The following GAB1 variants were observed in gnomAD, a reference collection of about 807,000 sequenced individuals.
GAB1 encodes the protein GRB2-associated-binding protein 1.
In GAB1, 19 loss-of-function variants were observed where a neutral mutation model predicts 66.5. The observed-to-expected ratio is 0.29, with a 90% CI of 0.20 to 0.42. The LOEUF is 0.42. Among genes scored for constraint, GAB1 ranks in the 10% least tolerant of loss-of-function variants. The pLI, the probability that GAB1 is intolerant of heterozygous loss-of-function variation, is 1.00. For synonymous variants in GAB1, 294 were observed against 301.4 expected, an observed-to-expected ratio of 0.98 and a Z score of 0.25; for missense variants, 732 against 858.5, an observed-to-expected ratio of 0.85 and a Z score of 1.84.
chr4:143,423,709 G>A (rs1303404206), intron 2 of GAB1, among the ~76,000 whole-genome samples: 5 of 146,988 alleles, frequency 3.4e-5, no homozygotes, highest in Non-Finnish European at 6.0e-5. Flanking sequence ...CCCGGGAGGC[G>A]GAGCTTGCAA....
At chr4:143,456,776 T>C (rs1188989761) in intron 6 of GAB1, among the ~76,000 whole-genome samples, 3 of 152,172 alleles carry the variant, frequency 2.0e-5, no homozygotes, top group African/African-American at 7.2e-5. Flanking sequence ...AACTCAACTT[T>C]GTAAATTCCA....
intron 1 of GAB1, among the ~76,000 whole-genome samples, chr4:143,403,095 A>G (rs1162014251): frequency 1.3e-5 from 2 of 152,004 alleles, no homozygotes; most frequent in Admixed American, 1.3e-4. Flanking sequence ...TAATCTATCT[A>G]TATGGGTGAT....
chr4:143,341,640 G>C (rs192487039), intron 1 of GAB1, among the ~76,000 whole-genome samples: 1 of 152,358 alleles, frequency 6.6e-6, no homozygotes, highest in East Asian at 1.9e-4. Context: ...TGGGCTCTCT[G>C]TCTGCTCTGC....
At chr4:143,451,831 C>A in intron 6 of GAB1, among the ~76,000 whole-genome samples, 1 of 151,820 alleles carries the variant, frequency 6.6e-6, no homozygotes, top group East Asian at 1.9e-4. Context: ...ATAAGCGGAA[C>A]TCATACAGCC....
intron 9 of GAB1, among the ~76,000 whole-genome samples, chr4:143,467,376 C>A (rs1735848534): frequency 6.6e-6 from 1 of 152,150 alleles, no homozygotes; most frequent in Non-Finnish European, 1.5e-5. Context: ...TTTTATTTAT[C>A]TTGCTTAGAA....
intron 2 of GAB1, among the ~76,000 whole-genome samples, chr4:143,427,196 A>G (rs1192823433): frequency 6.6e-6 from 1 of 151,940 alleles, no homozygotes; most frequent in Non-Finnish European, 1.5e-5. Flanking sequence ...TATATCTATC[A>G]CTCCCCACTC....
At chr4:143,351,868 T>C (rs1202027851) in intron 1 of GAB1, among the ~76,000 whole-genome samples, 1 of 152,232 alleles carries the variant, frequency 6.6e-6, no homozygotes, top group African/African-American at 2.4e-5. Context: ...GAAATCCTCA[T>C]ATAGAGGGGT....
intron 2 of GAB1, among the ~76,000 whole-genome samples, chr4:143,428,267 A>G (rs1171322944): frequency 3.3e-5 from 5 of 152,084 alleles, no homozygotes; most frequent in Admixed American, 2.6e-4. Context: ...CAAAGCTTAG[A>G]ATTGAGTTTG....
intron 1 of GAB1, among the ~76,000 whole-genome samples, chr4:143,357,053 T>G (rs750148687): frequency 2.6e-5 from 4 of 152,210 alleles, no homozygotes; most frequent in Non-Finnish European, 4.4e-5. Flanking sequence ...CTGGGTGGGT[T>G]TGAGTTTCTA....
chr4:143,429,617 A>G (rs976124871), intron 2 of GAB1, among the ~76,000 whole-genome samples: 2 of 152,040 alleles, frequency 1.3e-5, no homozygotes, highest in Non-Finnish European at 2.9e-5. Flanking sequence ...GGAACCCTGT[A>G]CGGGGACTGT....
intron 3 of GAB1, chr4:143,434,189 T>TGCCTGGG: frequency 8.2e-7 from 1 of 1,220,924 alleles, no homozygotes. Context: ...TGTGGTGGTT[T>TGCCTGGG]TGGATCTGTG....
At chr4:143,382,902 G>A (rs926463826) in intron 1 of GAB1, among the ~76,000 whole-genome samples, 3 of 152,164 alleles carry the variant, frequency 2.0e-5, no homozygotes, top group Non-Finnish European at 2.9e-5. Flanking sequence ...CCCTAATCGT[G>A]AGGATTTTTA....
chr4:143,337,046 G>A lies in GAB1; in HGVS notation c.-143G>A. On this transcript the variant is annotated 5_prime_UTR_variant, in exon 1 of 10. Coordinates refer to ENST00000262994, the MANE Select transcript of GAB1 (RefSeq NM_002039.4). ...CGAACTCGTGGAACCCGCGCACCGT[G>A]GAGTCTGTCCGCCCAGTCCGTCCGG... 1.5e-6 allele frequency: 1 copy of A among 667,852 alleles called. No individual in the cohort carries two copies. Among genetic ancestry groups the A allele is most frequent in the South Asian group, 1.9e-5 (1 of 51,800 alleles). 41.4% of individuals were successfully genotyped at this position (667,852 alleles called of 1,614,324 possible). A position where few individuals can be genotyped will look rare whatever the true frequency, so the allele number is the denominator to read the frequency against.
intron 2 of GAB1, chr4:143,417,303 T>C (rs1418384248): frequency 3.9e-6 from 1 of 259,298 alleles, no homozygotes; most frequent in African/African-American, 2.3e-5. Flanking sequence ...AAATCTTGAA[T>C]GAGGGACTGA....
In GAB1 at chr4:143,440,327, T is replaced by A. The variant is rs1208727303; in HGVS notation, c.1530T>A (p.Pro510=). The change falls in exon 6 of 10, where the codon CCT becomes CCA. Residue 510 remains proline, a synonymous_variant. Transcript: ENST00000262994. ...SPKTPPRRPV[P]VADCEPPPVD... ...AAACCCCTCCCAGAAGGCCAGTTCC[T>A]GTTGCAGACTGTGAACCACCCCCCG... 6.2e-7 allele frequency: 1 copy of A among 1,613,982 alleles called. No homozygotes were observed. The highest frequency in any genetic ancestry group is 8.5e-7 in the Non-Finnish European group (1 of 1,179,988).
intron 2 of GAB1, among the ~76,000 whole-genome samples, chr4:143,432,794 T>C (rs1014546240): frequency 2.6e-5 from 4 of 152,248 alleles, no homozygotes; most frequent in Admixed American, 6.5e-5. Flanking sequence ...AATTTAGCTC[T>C]TTTCATATTT....
chr4:143,425,431 A>G, intron 2 of GAB1: 1 of 759,452 alleles, frequency 1.3e-6, no homozygotes, highest in Non-Finnish European at 2.4e-6. Flanking sequence ...CCAGGGCTGA[A>G]GACCAGCCTC....
At chr4:143,446,318 A>G (rs1436053266) in intron 6 of GAB1, among the ~76,000 whole-genome samples, 3 of 152,196 alleles carry the variant, frequency 2.0e-5, no homozygotes, top group Admixed American at 1.3e-4. Flanking sequence ...CAGTAATGGG[A>G]TGGCTGGGTC....
intron 1 of GAB1, among the ~76,000 whole-genome samples, chr4:143,361,762 C>A (rs148701994): frequency 6.6e-6 from 1 of 152,042 alleles, no homozygotes; most frequent in African/African-American, 2.4e-5. Flanking sequence ...GGTTTCTGTA[C>A]GGTTCTTACT....
Sources: gnomAD v4.1 joint callset for allele counts (sites outside exome capture counted in the v4.1 genomes callset) on GRCh38, gnomAD v4.1.1 for gene constraint, MANE v1.5 for transcripts, NCBI Gene and HGNC (gene_info 2026-07-23, HGNC 2026-07-21) for gene names.